The following C3orf20 variants were observed in gnomAD, a reference collection of about 807,000 sequenced individuals.
C3orf20 encodes the protein family with sequence similarity 149 member C.
C3orf20 carries 76 observed loss-of-function variants against 88.3 expected under a neutral mutation model. The observed-to-expected ratio is 0.86, with a 90% CI of 0.72 to 1.04. The LOEUF is 1.04. C3orf20 is among the 50% of genes least tolerant of loss of function. The pLI is 0.00. For synonymous variants in C3orf20, 436 were observed against 437.4 expected, an observed-to-expected ratio of 1.00 and a Z score of 0.04; for missense variants, 1,056 against 1,123.3, an observed-to-expected ratio of 0.94 and a Z score of 0.86.
intron 12 of C3orf20, among the ~76,000 whole-genome samples, chr3:14,731,371 A>AC (rs1259008140): frequency 6.6e-6 from 1 of 151,910 alleles, no homozygotes; most frequent in Non-Finnish European, 1.5e-5. Flanking sequence ...CCCCCACATC[A>AC]CCCCCACATT....
At chr3:14,727,599 C>T (rs1438688628) in intron 11 of C3orf20, among the ~76,000 whole-genome samples, 4 of 152,060 alleles carry the variant, frequency 2.6e-5, no homozygotes, top group South Asian at 4.1e-4. Flanking sequence ...TTCTGTGTCA[C>T]CCCCTGGCTG....
intron 9 of C3orf20, 149 bp from the exon 10 acceptor site, chr3:14,721,504 T>C: frequency 1.7e-6 from 2 of 1,156,896 alleles, no homozygotes; most frequent in Non-Finnish European, 2.4e-6. Context: ...GTCTTCTCCA[T>C]GAAGCGGAAT....
At chr3:14,732,214 C>T (rs1432184582) in intron 12 of C3orf20, among the ~76,000 whole-genome samples, 1 of 152,178 alleles carries the variant, frequency 6.6e-6, no homozygotes, top group Non-Finnish European at 1.5e-5. Context: ...ATCCCATTAT[C>T]GTTTTAATTT....
intron 3 of C3orf20, among the ~76,000 whole-genome samples, 153 bp downstream of exon 3, chr3:14,683,350 C>A (rs2032213763): frequency 6.6e-6 from 1 of 152,218 alleles, no homozygotes; most frequent in Non-Finnish European, 1.5e-5. Flanking sequence ...TCACTCCTCC[C>A]TGTTCTCCCA....
chr3:14,755,890 G>A (rs565631395), intron 12 of C3orf20, among the ~76,000 whole-genome samples: 3 of 151,898 alleles, frequency 2.0e-5, no homozygotes, highest in East Asian at 2.0e-4. Context: ...TTAGCCAGGC[G>A]TGGTGGTGGG....
chr3:14,681,876 TAAG>T (rs1230444012), intron 1 of C3orf20, among the ~76,000 whole-genome samples: 12 of 152,182 alleles, frequency 7.9e-5, no homozygotes, highest in African/African-American at 2.7e-4. Context: ...TGGTATAAGT[TAAG>T]AAGGTAAGAA....
chr3:14,692,518 A>G (rs919602971), intron 5 of C3orf20, among the ~76,000 whole-genome samples: 4 of 152,290 alleles, frequency 2.6e-5, no homozygotes, highest in East Asian at 3.9e-4. Flanking sequence ...ACCTTTTCAT[A>G]TACCTATTTG....
At chr3:14,766,579 G>A (rs1273953962) in intron 15 of C3orf20, among the ~76,000 whole-genome samples, 1 of 152,208 alleles carries the variant, frequency 6.6e-6, no homozygotes, top group South Asian at 2.1e-4. Context: ...CGAGGGGGAG[G>A]GGGGTCACAC....
At chr3:14,675,630 T>A (rs1479202171) in intron 1 of C3orf20, among the ~76,000 whole-genome samples, 1 of 152,200 alleles carries the variant, frequency 6.6e-6, no homozygotes, top group African/African-American at 2.4e-5. Flanking sequence ...CCAGAAATAT[T>A]GCATCTGTTC....
In C3orf20 at chr3:14,687,571, GC is replaced by G. The variant is rs372838797; in HGVS notation, c.626-2425del. On this transcript the variant is annotated intron_variant, in intron 4 of 16. Transcript: ENST00000253697. ...GCTTAAAGATCTCCCTCATTTGGGG[GC>G]ACAGCTGCTAAGTAGTCTGTTGCAC... Among the ~76,000 whole-genome samples the G allele has an allele frequency of 4.9e-3, 745 of 152,274 alleles. 7 individuals carry two copies. The highest frequency in any genetic ancestry group is 0.017 in the African/African-American group (697 of 41,538).
At position 14,704,597 on chromosome 3, in the gene C3orf20, A is replaced by G. The variant is rs766413977; in HGVS notation, c.1139A>G (p.Tyr380Cys). The G allele has an allele frequency of 5.0e-6, 8 of 1,613,830 alleles. No individual in the cohort carries two copies. The highest frequency in any genetic ancestry group is 2.7e-5 in the African/African-American group (2 of 74,902). The change falls in exon 7 of 17, where the codon TAT (tyrosine) becomes TGT (cysteine). Residue 380 changes from tyrosine (Y) to cysteine (C), a missense_variant. Coordinates refer to ENST00000253697, the MANE Select transcript of C3orf20 (RefSeq NM_032137.5). ...KKAFKFHYTF[Y>C]DGSSFVYYPS... ...GCCTTCAAGTTTCATTACACCTTCT[A>G]TGATGGCTCCTCCTTCGTTTAGTAT... is the stretch of plus-strand genomic sequence containing the variant.
chr3:14,705,222 CT>C (rs1459278460), intron 7 of C3orf20, among the ~76,000 whole-genome samples: 1 of 152,242 alleles, frequency 6.6e-6, no homozygotes, highest in African/African-American at 2.4e-5. Context: ...CTTTGAGAAT[CT>C]GATGAAAGCT....
rs755709975 is a variant in C3orf20, at chr3:14,701,669, G to C, written c.746-1461G>C. Among the ~76,000 whole-genome samples the C allele has an allele frequency of 1.3e-5, 2 of 152,162 alleles. No individual in the cohort carries two copies. Among genetic ancestry groups the C allele is most frequent in the Non-Finnish European group, 2.9e-5 (2 of 68,030 alleles). On this transcript the variant is annotated intron_variant, in intron 5 of 16. Coordinates refer to ENST00000253697, the MANE Select transcript of C3orf20 (RefSeq NM_032137.5). The surrounding 1 kb of genome is among the most constrained non-coding windows in gnomAD (Gnocchi z 4.6). ...GTGCCTATGGCACTTGGGCTCCCTC[G>C]AGAAGACCCAAGATTAGCCATCATC...
At chr3:14,722,410 A>G (rs2034195793) in intron 10 of C3orf20, 7 of 451,626 alleles carry the variant, frequency 1.5e-5, no homozygotes, top group South Asian at 9.4e-5. Flanking sequence ...CCAATGTGTC[A>G]GATTACTCTC....
intron 15 of C3orf20, among the ~76,000 whole-genome samples, chr3:14,761,847 AG>A (rs2035573798): frequency 6.6e-6 from 1 of 151,750 alleles, no homozygotes; most frequent in Non-Finnish European, 1.5e-5. Context: ...GCAGAGTGGG[AG>A]GGGGTGTGTG....
At chr3:14,752,906 C>T (rs1368990376) in intron 12 of C3orf20, among the ~76,000 whole-genome samples, 2 of 152,146 alleles carry the variant, frequency 1.3e-5, no homozygotes, top group Non-Finnish European at 2.9e-5. Flanking sequence ...TAAATTAGTT[C>T]AACCATTGTG....
At chr3:14,682,388 G>T (rs981559118) in intron 2 of C3orf20, 57 bp downstream of exon 2, 3 of 290,286 alleles carry the variant, frequency 1.0e-5, no homozygotes, top group Admixed American at 9.6e-5. Context: ...CCCCCCCAGG[G>T]TCCTATACCC....
chr3:14,758,179 T>C lies in C3orf20; in HGVS notation c.2244+505T>C, dbSNP rs139929396. Among the ~76,000 whole-genome samples the C allele has an allele frequency of 4.9e-4, 75 of 152,220 alleles. No homozygotes were observed. In the East Asian group the frequency reaches 0.012, roughly 25 times the overall value. ...AACTCCAGCACTGCCAGTGAGGCCG[T>C]GAGAGGACAGCTCTGGGCACACAAG... is the stretch of plus-strand genomic sequence containing the variant. On this transcript the variant is annotated intron_variant, in intron 13 of 16. Coordinates refer to ENST00000253697, the MANE Select transcript of C3orf20 (RefSeq NM_032137.5).
chr3:14,758,926 G>T (rs562827235), intron 13 of C3orf20, among the ~76,000 whole-genome samples: 1 of 152,196 alleles, frequency 6.6e-6, no homozygotes, highest in Non-Finnish European at 1.5e-5. Flanking sequence ...CTGTGTGTCC[G>T]TCCATGTAGA....
Sources: gnomAD v4.1 joint callset for allele counts (sites outside exome capture counted in the v4.1 genomes callset) on GRCh38, gnomAD v4.1.1 for gene constraint, Gnocchi (gnomAD v3.1) non-coding constraint, MANE v1.5 for transcripts, NCBI Gene and HGNC (gene_info 2026-07-23, HGNC 2026-07-21) for gene names.